Variants in HTT-AS observed in about 807,000 individuals in gnomAD.
HTT-AS encodes HTT antisense RNA.
intron 2 of HTT-AS, among the ~76,000 whole-genome samples, chr4:3,051,030 TTGTGTGTGTGTGTGTGTGTGTGTG>T (rs59615689): frequency 4.1e-5 from 5 of 122,484 alleles, no homozygotes; most frequent in Non-Finnish European, 8.3e-5. Flanking sequence ...CCCTTACAAT[TTGTGTGTGTGTGTGTGTGTGTGTG>T]TGTGTGTGTG....
At chr4:3,054,661 C>T (rs1187374464) in intron 2 of HTT-AS, among the ~76,000 whole-genome samples, 2 of 151,814 alleles carry the variant, frequency 1.3e-5, no homozygotes, top group Non-Finnish European at 2.9e-5. Flanking sequence ...GAGTATTATT[C>T]ATTTTTTCCA....
intron 2 of HTT-AS, among the ~76,000 whole-genome samples, chr4:3,058,745 G>A (rs1711857285): frequency 6.6e-6 from 1 of 151,578 alleles, no homozygotes; most frequent in Admixed American, 6.6e-5. Flanking sequence ...TTTTAAATGG[G>A]GTCTTGCTCT....
intron 1 of HTT-AS, among the ~76,000 whole-genome samples, chr4:3,065,320 G>GC (rs953154140): frequency 2.3e-4 from 35 of 151,116 alleles, no homozygotes; most frequent in South Asian, 2.1e-3. Context: ...CTCACTGCAC[G>GC]CCCCCCGCCT....
chr4:3,072,679 G>A (rs892840020), intron 1 of HTT-AS, among the ~76,000 whole-genome samples: 2 of 152,162 alleles, frequency 1.3e-5, no homozygotes, highest in African/African-American at 2.4e-5. Context: ...CACCCAGGCT[G>A]GAGTGCAATG....
chr4:3,047,138 C>T (rs968427955), downstream of HTT-AS, among the ~76,000 whole-genome samples: 10 of 152,034 alleles, frequency 6.6e-5, no homozygotes, highest in South Asian at 2.1e-4. Context: ...GGTGAAACCC[C>T]GTCTCTACTA....
intron 1 of HTT-AS, among the ~76,000 whole-genome samples, chr4:3,069,765 C>T (rs1050888316): frequency 3.9e-5 from 6 of 152,146 alleles, no homozygotes; most frequent in Non-Finnish European, 7.4e-5. Flanking sequence ...TGCAGCTGGG[C>T]CCGTGCTCTT....
intron 1 of HTT-AS, among the ~76,000 whole-genome samples, chr4:3,072,581 T>G (rs1712200295): frequency 6.6e-6 from 1 of 152,206 alleles, no homozygotes; most frequent in Non-Finnish European, 1.5e-5. Flanking sequence ...CCTTGAGGCC[T>G]GACACAGTGG....
intron 2 of HTT-AS, among the ~76,000 whole-genome samples, chr4:3,050,600 T>G (rs1711683253): frequency 6.6e-6 from 1 of 152,246 alleles, no homozygotes. Flanking sequence ...TGGAAATGAC[T>G]TTAAATAGTC....
intron 2 of HTT-AS, among the ~76,000 whole-genome samples, chr4:3,052,380 A>G (rs1264712822): frequency 1.3e-5 from 2 of 152,228 alleles, no homozygotes; most frequent in South Asian, 2.1e-4. Context: ...CTTAATTAAA[A>G]GTAGATATTC....
At chr4:3,052,415 T>C (rs936057272) in intron 2 of HTT-AS, among the ~76,000 whole-genome samples, 5 of 152,182 alleles carry the variant, frequency 3.3e-5, no homozygotes, top group African/African-American at 1.2e-4. Context: ...TGGGACTCCT[T>C]GGGAAAACAG....
At chr4:3,046,266 A>G (rs1711583964), downstream of HTT-AS, among the ~76,000 whole-genome samples, 1 of 152,164 alleles carries the variant, frequency 6.6e-6, no homozygotes, top group African/African-American at 2.4e-5. Context: ...CAAAAAAGGG[A>G]AGTGACATAT....
chr4:3,055,959 C>T lies in HTT-AS; in HGVS notation n.1381-6261G>A, dbSNP rs1243533372. On this transcript the variant is annotated intron_variant and non_coding_transcript_variant, in intron 2 of 2. Coordinates refer to ENST00000664062, the Ensembl canonical transcript of HTT-AS. The stretch of plus-strand genomic sequence containing the variant: ...TCCTGGACCCATCCATTTTCTTTGG[C>T]GACTTCCAAACCCAGTTTGGATCAG... Among the ~76,000 whole-genome samples the T allele has an allele frequency of 4.6e-5, 7 of 152,134 alleles. No homozygotes were observed. In the East Asian group the frequency reaches 5.8e-4, roughly 13 times the overall value.
chr4:3,063,913 T>G (rs1711991851), intron 1 of HTT-AS, among the ~76,000 whole-genome samples: 1 of 152,024 alleles, frequency 6.6e-6, no homozygotes, highest in Non-Finnish European at 1.5e-5. Flanking sequence ...TATATTGGTC[T>G]GCACCCAGTT....
chr4:3,051,079 TG>T (rs1711695394), intron 2 of HTT-AS, among the ~76,000 whole-genome samples: 1 of 149,902 alleles, frequency 6.7e-6, no homozygotes, highest in South Asian at 2.1e-4. Flanking sequence ...TGTGTGTGTG[TG>T]TTTTAGATGG....
chr4:3,063,032 G>T (rs61791252), exon 2 of HTT-AS, among the ~76,000 whole-genome samples: 1 of 152,092 alleles, frequency 6.6e-6, no homozygotes, highest in Non-Finnish European at 1.5e-5. Context: ...CCTCCCTGGG[G>T]TTGGAGCCTT....
chr4:3,062,124 G>C (rs535621636), intron 2 of HTT-AS, among the ~76,000 whole-genome samples: 23 of 151,978 alleles, frequency 1.5e-4, no homozygotes, highest in African/African-American at 5.1e-4. Flanking sequence ...GGGGGCTCAA[G>C]GTATGTTCCT....
chr4:3,051,743 T>G (rs1711706427), intron 2 of HTT-AS, among the ~76,000 whole-genome samples: 1 of 151,434 alleles, frequency 6.6e-6, no homozygotes. Context: ...CTGTAGTGAA[T>G]CTCGTAGGCT....
At chr4:3,053,314 C>T (rs1338501804) in intron 2 of HTT-AS, among the ~76,000 whole-genome samples, 2 of 152,178 alleles carry the variant, frequency 1.3e-5, no homozygotes, top group Admixed American at 6.5e-5. Context: ...GGGTGGATCG[C>T]CTGAGGTCAG....
intron 2 of HTT-AS, among the ~76,000 whole-genome samples, chr4:3,061,478 T>C (rs1476772739): frequency 6.6e-6 from 1 of 150,816 alleles, no homozygotes; most frequent in South Asian, 2.1e-4. Flanking sequence ...GTCAGGAGTT[T>C]GAGAGCAGCC....
Sources: gnomAD v4.1 joint callset for allele counts (sites outside exome capture counted in the v4.1 genomes callset) on GRCh38, gnomAD v4.1.1 for gene constraint, MANE v1.5 for transcripts, NCBI Gene and HGNC (gene_info 2026-07-23, HGNC 2026-07-21) for gene names.